The following COL9A1 variants were observed in gnomAD, a reference collection of about 807,000 sequenced individuals.
The protein encoded by COL9A1 is collagen type IX alpha 1 chain.
Under a neutral mutation model 142.6 loss-of-function variants are expected in COL9A1, and 104 were observed. That is an observed-to-expected ratio of 0.73 (90% confidence interval 0.62 to 0.86). The LOEUF is 0.86. Among genes scored for constraint, COL9A1 ranks in the 40% least tolerant of loss-of-function variants. The probability of loss-of-function intolerance (pLI) is 0.00; values close to 1 mark genes in which losing one functional copy is unlikely to be tolerated. For missense variants in COL9A1, 1,210 were observed against 1,176.6 expected, an observed-to-expected ratio of 1.03 and a Z score of -0.42; for synonymous variants, 466 against 396.0, an observed-to-expected ratio of 1.18 and a Z score of -2.10.
At chr6:70,221,800 C>CTAGT (rs1768895153) in intron 37 of COL9A1, among the ~76,000 whole-genome samples, 1 of 152,152 alleles carries the variant, frequency 6.6e-6, no homozygotes, top group South Asian at 2.1e-4. Flanking sequence ...TGACGAGGAA[C>CTAGT]TAGTCCCAAT....
rs1255462695 is a variant in COL9A1 at position 70,260,667 on chromosome 6, T to G, written c.1439A>C (p.Lys480Thr). The G allele has an allele frequency of 6.2e-7, 1 of 1,613,812 alleles. No homozygotes were observed. The highest frequency in any genetic ancestry group is 8.5e-7 in the Non-Finnish European group (1 of 1,179,898). ...LRGITGIVGDKGEKGARGLDG... is the reference protein window; with the variant it reads ...LRGITGIVGDTGEKGARGLDG... ...TCATCACCATCTTACTTTTTCCCCT[T>G]TGTCCCCAACTATGCCGGTGATGCC... The change falls in exon 20 of 38, where the codon AAA becomes ACA. Residue 480 changes from lysine (K) to threonine (T), a missense_variant. Coordinates refer to ENST00000357250, the MANE Select transcript of COL9A1 (RefSeq NM_001851.6).
chr6:70,295,508 G>A (rs986151043), intron 4 of COL9A1, among the ~76,000 whole-genome samples: 2 of 151,680 alleles, frequency 1.3e-5, no homozygotes, highest in Non-Finnish European at 1.5e-5. Flanking sequence ...GGCTGGTCTC[G>A]AACTCCTGAC....
chr6:70,268,630 T>C (rs534900103), intron 17 of COL9A1, among the ~76,000 whole-genome samples, 174 bp downstream of exon 17: 33 of 152,356 alleles, frequency 2.2e-4, no homozygotes, highest in African/African-American at 7.7e-4. Context: ...CTCCATGTCT[T>C]GGTAGGAATA....
At chr6:70,232,999 CT>C (rs1760756037) in intron 35 of COL9A1, among the ~76,000 whole-genome samples, 1 of 151,980 alleles carries the variant, frequency 6.6e-6, no homozygotes, top group South Asian at 2.1e-4. Context: ...TCCTGTTGTT[CT>C]GAGACAGAGT....
intron 8 of COL9A1, among the ~76,000 whole-genome samples, 162 bp downstream of exon 8, chr6:70,281,228 C>T (rs1773139675): frequency 6.6e-6 from 1 of 151,804 alleles, no homozygotes; most frequent in Admixed American, 6.5e-5. Flanking sequence ...TAGGATCCTA[C>T]CCCCAACTCT....
chr6:70,302,425 G>C (rs1473042175), intron 1 of COL9A1, among the ~76,000 whole-genome samples: 1 of 151,860 alleles, frequency 6.6e-6, no homozygotes, highest in Non-Finnish European at 1.5e-5. Context: ...GGTCAGTCTG[G>C]TCTTGAACTC....
At chr6:70,283,970 T>A (rs972271060) in intron 5 of COL9A1, 150 bp from the exon 6 acceptor site, 2 of 710,562 alleles carry the variant, frequency 2.8e-6, no homozygotes, top group Non-Finnish European at 5.1e-6. Context: ...TGCTTTTCCT[T>A]GAATACAAGT....
At chr6:70,281,180 A>C (rs1773136878) in intron 8 of COL9A1, 141 bp from the exon 9 acceptor site, 4 of 815,874 alleles carry the variant, frequency 4.9e-6, no homozygotes, top group South Asian at 1.8e-5. Flanking sequence ...CAACAAGGAC[A>C]ACAGAGACAC....
chr6:70,231,069 G>A (rs534254887), intron 36 of COL9A1, among the ~76,000 whole-genome samples: 1 of 152,162 alleles, frequency 6.6e-6, no homozygotes, highest in East Asian at 1.9e-4. Context: ...AGGAGGGCCT[G>A]TTAAACTAGA....
chr6:70,224,357 G>T (rs748537848), intron 37 of COL9A1, among the ~76,000 whole-genome samples: 1 of 152,164 alleles, frequency 6.6e-6, no homozygotes, highest in Non-Finnish European at 1.5e-5. Flanking sequence ...GACAGTCTGG[G>T]ACACAGCACA....
At chr6:70,235,552 A>T (rs1383633898) in intron 33 of COL9A1, among the ~76,000 whole-genome samples, 1 of 152,130 alleles carries the variant, frequency 6.6e-6, no homozygotes, top group African/African-American at 2.4e-5. Context: ...TACATTCTTC[A>T]TACTTTAAGC....
chr6:70,243,510 G>C (rs939090526), intron 28 of COL9A1, among the ~76,000 whole-genome samples: 1 of 152,034 alleles, frequency 6.6e-6, no homozygotes, highest in African/African-American at 2.4e-5. Flanking sequence ...TATGCAATCT[G>C]ACAAAAGTTC....
rs1306409534 is a variant in COL9A1 at position 70,294,272 on chromosome 6, G to A, written c.591C>T (p.Asp197=). 1 of 1,614,026 alleles carries A rather than the reference G, an allele frequency of 6.2e-7. No homozygotes were observed. The highest frequency in any genetic ancestry group is 1.1e-5 in the South Asian group (1 of 91,082). Residue 197 remains aspartate, a synonymous_variant, in exon 5 of 38, where the codon GAC becomes GAT. Transcript: ENST00000357250. ...VERSSATLFV[D]CNRIESLPIK... Reference sequence around the variant, plus strand: ...TAGGTAAAGATTCAATCCTGTTGCAGTCAACAAAAAGAGTAGCACTACTCC... The same window carrying A: ...TAGGTAAAGATTCAATCCTGTTGCAATCAACAAAAAGAGTAGCACTACTCC...
At chr6:70,284,421 G>A (rs1280014231) in intron 5 of COL9A1, among the ~76,000 whole-genome samples, 1 of 152,174 alleles carries the variant, frequency 6.6e-6, no homozygotes, top group African/African-American at 2.4e-5. Flanking sequence ...AAGGCAGTGA[G>A]AAGGAAATAT....
At chr6:70,227,508 A>C (rs975359617) in intron 36 of COL9A1, among the ~76,000 whole-genome samples, 9 of 151,648 alleles carry the variant, frequency 5.9e-5, no homozygotes, top group Non-Finnish European at 1.2e-4. Context: ...AAGATATACT[A>C]GCAAGTCTGT....
chr6:70,239,246 A>G lies in COL9A1; in HGVS notation c.2112+8T>C, dbSNP rs766377239. The G allele has an allele frequency of 1.0e-5, 16 of 1,537,482 alleles. No individual in the cohort carries two copies. Among genetic ancestry groups the G allele is most frequent in the Non-Finnish European group, 1.4e-5 (15 of 1,110,954 alleles). ...TTTTTTTATACCATTACTATTCACCATACTTACAGATCCCTTTGGGCCAGG... is the reference window on the plus strand; with the variant it reads ...TTTTTTTATACCATTACTATTCACCGTACTTACAGATCCCTTTGGGCCAGG... On this transcript the variant is annotated splice_region_variant and intron_variant, in intron 33 of 37. Coordinates refer to ENST00000357250, the MANE Select transcript of COL9A1 (RefSeq NM_001851.6).
Position 70,271,723 on chromosome 6 carries a change from TCAAAG to T in COL9A1, c.1090-20_1090-16del. On this transcript the variant is annotated splice_polypyrimidine_tract_variant and intron_variant, in intron 13 of 37. Coordinates refer to ENST00000357250, the MANE Select transcript of COL9A1 (RefSeq NM_001851.6). Reference sequence around the variant, plus strand: ...CCAGGAGGACCCTGAAGTCAACAAATCAAAGCAAATGGTCATTTATGAATATTTTT... The same window carrying T: ...CCAGGAGGACCCTGAAGTCAACAAATCAAATGGTCATTTATGAATATTTTT... 6.2e-7 allele frequency: 1 copy of T among 1,612,108 alleles called. No homozygotes were observed. Among genetic ancestry groups the T allele is most frequent in the Non-Finnish European group, 8.5e-7 (1 of 1,178,316 alleles).
chr6:70,280,908 A>G (rs758306946), intron 9 of COL9A1, 34 bp from the exon 10 acceptor site: 1 of 1,613,326 alleles, frequency 6.2e-7, no homozygotes, highest in African/African-American at 1.3e-5. Context: ...GGGGCAGGAG[A>G]GAAAAAGGTG....
intron 6 of COL9A1, 54 bp downstream of exon 6, chr6:70,283,683 T>C: frequency 7.5e-7 from 1 of 1,335,804 alleles, no homozygotes; most frequent in Non-Finnish European, 1.1e-6. Context: ...AGTGGTGAGG[T>C]GGAGAGGGTT....
Sources: allele counts gnomAD v4.1 joint callset (sites outside exome capture counted in the v4.1 genomes callset), GRCh38; gene constraint gnomAD v4.1.1; transcripts MANE v1.5; gene names NCBI Gene and HGNC (gene_info 2026-07-23, HGNC 2026-07-21).